The following CHD5 variants were observed in gnomAD, a reference collection of about 807,000 sequenced individuals.
The protein encoded by CHD5 is chromodomain helicase DNA binding protein 5.
Under a neutral mutation model 230.3 loss-of-function variants are expected in CHD5, and 69 were observed. The observed-to-expected ratio is 0.30, with a 90% CI of 0.25 to 0.37. The LOEUF (loss-of-function observed/expected upper bound fraction) is 0.37. Ranked by LOEUF, CHD5 falls within the 10% of genes least tolerant of loss-of-function variation. The pLI is 1.00. For synonymous variants in CHD5, 1,064 were observed against 1,065.9 expected, an observed-to-expected ratio of 1.00 and a Z score of 0.03; for missense variants, 1,827 against 2,622.8, an observed-to-expected ratio of 0.70 and a Z score of 6.63.
chr1:6,178,264 C>T (rs1364676258), intron 1 of CHD5, among the ~76,000 whole-genome samples: 3 of 151,620 alleles, frequency 2.0e-5, no homozygotes, highest in Non-Finnish European at 4.4e-5. Context: ...AGTCGGGTGC[C>T]TACTAGACTG....
At chr1:6,113,095 A>G (rs1360964043) in intron 33 of CHD5, 97 bp from the exon 34 acceptor site, 1 of 845,192 alleles carries the variant, frequency 1.2e-6, no homozygotes, top group Admixed American at 1.9e-5. Flanking sequence ...CCTATCCATC[A>G]ATATGTTCCG....
intron 33 of CHD5, among the ~76,000 whole-genome samples, chr1:6,114,407 G>A (rs182851925): frequency 2.0e-5 from 3 of 152,118 alleles, no homozygotes; most frequent in East Asian, 1.9e-4. Context: ...CCAATCTTTC[G>A]GCTTCCCTGG....
Position 6,180,084 on chromosome 1 carries a change from T to C in CHD5, c.-61A>G. 1.1e-6 allele frequency: 1 copy of C among 902,674 alleles called. No homozygotes were observed. The allele number at this position is 902,674 out of a possible 1,614,324, so 55.9% of individuals were successfully genotyped here. A position where few individuals can be genotyped will look rare whatever the true frequency, so the allele number is the denominator to read the frequency against. The stretch of plus-strand genomic sequence containing the variant: ...CCTCCCGCCGGGCGCGGTGCCAGCC[T>C]TAACCCGTGCGCTGCCGGACCGGCG... On this transcript the variant is annotated 5_prime_UTR_variant, in exon 1 of 42. Transcript: ENST00000262450.
chr1:6,126,735 C>T lies in CHD5; in HGVS notation c.3915G>A (p.Glu1305=). The T allele has an allele frequency of 1.9e-6, 3 of 1,613,462 alleles. No individual in the cohort carries two copies. The highest frequency in any genetic ancestry group is 2.5e-6 in the Non-Finnish European group (3 of 1,179,616). Residue 1305 remains glutamate, a synonymous_variant, in exon 26 of 42, where the codon GAG becomes GAA. Coordinates refer to ENST00000262450, the MANE Select transcript of CHD5 (RefSeq NM_015557.3). This position sits in a 1 kb window ranked among gnomAD's most constrained non-coding sequence, Gnocchi z 5.7. ...TCTCCTCCTGCTTGATGATTTCCCG[C>T]TCCACCTCCTCCTGGGGACGCAGCA... is the stretch of plus-strand genomic sequence containing the variant. ...VREEDGVEEV[E]REIIKQEENV... is the part of the protein sequence containing the mutation.
At chr1:6,111,269 G>C (rs1159996541) in intron 36 of CHD5, among the ~76,000 whole-genome samples, 2 of 148,760 alleles carry the variant, frequency 1.3e-5, no homozygotes, top group Non-Finnish European at 3.0e-5. Context: ...TGTGGTGGCT[G>C]ACGCCTGTAA....
At chr1:6,162,897 C>G (rs571979234) in intron 2 of CHD5, among the ~76,000 whole-genome samples, 2 of 152,298 alleles carry the variant, frequency 1.3e-5, no homozygotes, top group South Asian at 2.1e-4. Context: ...AACCCAGCAT[C>G]TGATGGCAAG....
rs560132569 is a variant in CHD5 at position 6,146,914 on chromosome 1, G to A, written c.1384-43C>T. The A allele has an allele frequency of 2.1e-5, 30 of 1,403,376 alleles. No homozygotes were observed. Among genetic ancestry groups the A allele is most frequent in the Non-Finnish European group, 2.7e-5 (29 of 1,056,782 alleles). The allele number at this position is 1,403,376 out of a possible 1,614,324, so 86.9% of individuals were successfully genotyped here. A position where few individuals can be genotyped will look rare whatever the true frequency, so the allele number is the denominator to read the frequency against. ...TCCCCAAGGTGGGGCTCAGCTGCAG[G>A]GCCCCACCCTGAGGCTCCCATGACA... is the stretch of plus-strand genomic sequence containing the variant. On this transcript the variant is annotated intron_variant, in intron 9 of 41. Coordinates refer to ENST00000262450, the MANE Select transcript of CHD5 (RefSeq NM_015557.3). This position sits in a 1 kb window ranked among gnomAD's most constrained non-coding sequence, Gnocchi z 5.1.
chr1:6,125,642 G>A lies in CHD5; in HGVS notation c.4172-30C>T, dbSNP rs1666543808. 6.2e-7 allele frequency: 1 copy of A among 1,612,516 alleles called. No individual in the cohort carries two copies. Among genetic ancestry groups the A allele is most frequent in the African/African-American group, 1.3e-5 (1 of 74,850 alleles). On this transcript the variant is annotated intron_variant, in intron 27 of 41. Coordinates refer to ENST00000262450, the MANE Select transcript of CHD5 (RefSeq NM_015557.3). The surrounding 1 kb of genome is among the most constrained non-coding windows in gnomAD (Gnocchi z 6.7). ...GGAGCAGCCCGCCACAGTTCCTCAG[G>A]TGGGAGCCCAGAGATTCCTGATCCC...
intron 1 of CHD5, among the ~76,000 whole-genome samples, chr1:6,174,140 G>A (rs140901845): frequency 9.6e-4 from 146 of 152,124 alleles, no homozygotes; most frequent in African/African-American, 3.3e-3. Flanking sequence ...TGGGGGGACA[G>A]GGAGGGACAA....
At chr1:6,145,600 T>C (rs1299944628) in intron 11 of CHD5, among the ~76,000 whole-genome samples, 1 of 152,190 alleles carries the variant, frequency 6.6e-6, no homozygotes, top group African/African-American at 2.4e-5. Flanking sequence ...CAGCCTCTGA[T>C]TGCTAAGGCA....
intron 25 of CHD5, 91 bp downstream of exon 25, chr1:6,127,955 C>A: frequency 9.9e-7 from 1 of 1,009,918 alleles, no homozygotes. Flanking sequence ...GGCGGGAGGG[C>A]GGGGTCACAG....
rs777112480 is a variant in CHD5 at position 6,121,466 on chromosome 1, C to T, written c.4779+28G>A. On this transcript the variant is annotated intron_variant, in intron 32 of 41. Coordinates refer to ENST00000262450, the MANE Select transcript of CHD5 (RefSeq NM_015557.3). This position sits in a 1 kb window ranked among gnomAD's most constrained non-coding sequence, Gnocchi z 4.5. ...CCCAACCTCCACCCCACACACACCA[C>T]AGGCCCAGACGCCAGCAAGTTCCAC... 1 of 1,593,688 alleles carries T rather than the reference C, an allele frequency of 6.3e-7. No individual in the cohort carries two copies. The highest frequency in any genetic ancestry group is 8.6e-7 in the Non-Finnish European group (1 of 1,167,390).
At chr1:6,179,439 G>A (rs992200958) in intron 1 of CHD5, among the ~76,000 whole-genome samples, 11 of 152,116 alleles carry the variant, frequency 7.2e-5, no homozygotes, top group Non-Finnish European at 1.6e-4. Context: ...CGCTCAACGC[G>A]TCCCCAAGCA....
chr1:6,167,430 G>A lies in CHD5; in HGVS notation c.207+720C>T, dbSNP rs1451261102. The stretch of plus-strand genomic sequence containing the variant: ...AGCAGACAGCATATGGTGAGGAAAT[G>A]GCAGACCTCAGTGTCCTAGACCAAG... On this transcript the variant is annotated intron_variant, in intron 2 of 41. Coordinates refer to ENST00000262450, the MANE Select transcript of CHD5 (RefSeq NM_015557.3). The surrounding 1 kb of genome is among the most constrained non-coding windows in gnomAD (Gnocchi z 4.5). Among the ~76,000 whole-genome samples the A allele has an allele frequency of 6.6e-6, 1 of 152,172 alleles. No homozygotes were observed. The highest frequency in any genetic ancestry group is 1.5e-5 in the Non-Finnish European group (1 of 68,018).
intron 1 of CHD5, among the ~76,000 whole-genome samples, chr1:6,173,590 T>C (rs1337305210): frequency 2.0e-5 from 3 of 152,142 alleles, no homozygotes; most frequent in Non-Finnish European, 4.4e-5. Context: ...ATGGGCCTAA[T>C]GTGGCAGCCT....
chr1:6,129,082 G>C lies in CHD5; in HGVS notation c.3388-13C>G. On this transcript the variant is annotated splice_polypyrimidine_tract_variant and intron_variant, in intron 22 of 41. Transcript: ENST00000262450. The surrounding 1 kb of genome is among the most constrained non-coding windows in gnomAD (Gnocchi z 6.8). ...CGCGGCTGAAGGCCTGGGGAGACCT[G>C]CACCTCAGCACCCGTGGCTCACCCA... The C allele has an allele frequency of 6.3e-7, 1 of 1,578,702 alleles. No homozygotes were observed. Among genetic ancestry groups the C allele is most frequent in the Non-Finnish European group, 8.6e-7 (1 of 1,157,542 alleles).
In CHD5 at chr1:6,144,106, G is replaced by A. The variant is rs1160125729; in HGVS notation, c.1852C>T (p.Pro618Ser). 1 of 1,614,218 alleles carries A rather than the reference G, an allele frequency of 6.2e-7. No homozygotes were observed. Among genetic ancestry groups the A allele is most frequent in the Non-Finnish European group, 8.5e-7 (1 of 1,180,036 alleles). ...ATCTCCCAGGTGCACTGGTCGTAGG[G>A]CAGGTCTTTCCACTTGATCAGGTAG... The part of the protein sequence containing the change: ...VHYLIKWKDL[P>S]YDQCTWEIDD... Residue 618 changes from proline to serine, a missense_variant, in exon 12 of 42, where the codon CCC becomes TCC. Coordinates refer to ENST00000262450, the MANE Select transcript of CHD5 (RefSeq NM_015557.3).
chr1:6,128,140 T>C lies in CHD5; in HGVS notation c.3809A>G (p.Gln1270Arg). Residue 1270 changes from glutamine to arginine, a missense_variant, in exon 25 of 42, where the codon CAG (glutamine) becomes CGG (arginine). Transcript: ENST00000262450. The surrounding 1 kb of genome is among the most constrained non-coding windows in gnomAD (Gnocchi z 7.8). ...TAGCTCCGTGTCATCTGTAGCGTCCTGGTTCCGGTCCAGCAGCTTGGAGAT... is the reference window on the plus strand; with the variant it reads ...TAGCTCCGTGTCATCTGTAGCGTCCCGGTTCCGGTCCAGCAGCTTGGAGAT... ...AAISKLLDRN[Q>R]DATDDTELQN... The C allele has an allele frequency of 1.2e-6, 2 of 1,614,138 alleles. No individual in the cohort carries two copies. The highest frequency in any genetic ancestry group is 2.2e-5 in the South Asian group (2 of 91,064).
Position 6,128,752 on chromosome 1 carries a change from G to A in CHD5, c.3619+86C>T, listed in dbSNP as rs545749338. The A allele has an allele frequency of 1.5e-5, 20 of 1,299,926 alleles. No homozygotes were observed. The highest frequency in any genetic ancestry group is 2.9e-5 in the African/African-American group (2 of 68,732). 80.5% of individuals were successfully genotyped at this position (1,299,926 alleles called of 1,614,324 possible). On this transcript the variant is annotated intron_variant, in intron 23 of 41. Coordinates refer to ENST00000262450, the MANE Select transcript of CHD5 (RefSeq NM_015557.3). This position sits in a 1 kb window ranked among gnomAD's most constrained non-coding sequence, Gnocchi z 7.8. ...CAGAAGAGAGGCTGTGTGTTGGAGC[G>A]GGCAGGGACCCAAGCAAGCCCTGGA...
Sources: allele counts gnomAD v4.1 joint callset (sites outside exome capture counted in the v4.1 genomes callset), GRCh38; gene constraint gnomAD v4.1.1; non-coding constraint Gnocchi (gnomAD v3.1); transcripts MANE v1.5; gene names NCBI Gene and HGNC (gene_info 2026-07-23, HGNC 2026-07-21).